Variants in ACTL8 observed in about 807,000 individuals in gnomAD.
ACTL8 encodes actin-like protein 8.
Under a neutral mutation model 9.3 loss-of-function variants are expected in ACTL8, and 3 were observed. The ratio of observed to expected loss-of-function variants is 0.32; its 90% CI spans 0.15 to 0.83. ACTL8 has a LOEUF of 0.83. ACTL8 is among the 40% of genes least tolerant of loss of function. The pLI, the probability that ACTL8 is intolerant of heterozygous loss-of-function variation, is 0.57. For missense variants in ACTL8, 381 were observed against 492.2 expected, an observed-to-expected ratio of 0.77 and a Z score of 2.14; for synonymous variants, 224 against 205.9, an observed-to-expected ratio of 1.09 and a Z score of -0.75.
intron 1 of ACTL8, among the ~76,000 whole-genome samples, chr1:17,773,668 G>T (rs1287926203): frequency 6.6e-6 from 1 of 152,198 alleles, no homozygotes; most frequent in East Asian, 1.9e-4. Context: ...TCACATTTCT[G>T]CTCTCCCCTT....
intron 1 of ACTL8, among the ~76,000 whole-genome samples, chr1:17,780,815 C>G (rs1015714554): frequency 6.6e-6 from 1 of 151,962 alleles, no homozygotes; most frequent in African/African-American, 2.4e-5. Flanking sequence ...GAGATAGTTC[C>G]GGGTAGTGGC....
chr1:17,810,771 G>A (rs570693516), intron 1 of ACTL8, among the ~76,000 whole-genome samples: 6 of 152,320 alleles, frequency 3.9e-5, no homozygotes, highest in South Asian at 4.1e-4. Flanking sequence ...CAGTATGTAA[G>A]TCTGGTTTAT....
At chr1:17,818,890 G>A (rs2053621255) in intron 1 of ACTL8, among the ~76,000 whole-genome samples, 2 of 152,198 alleles carry the variant, frequency 1.3e-5, no homozygotes, top group Non-Finnish European at 2.9e-5. Flanking sequence ...GCCTAGAACC[G>A]GTTTTATACC....
At chr1:17,791,535 A>G (rs1410075356) in intron 1 of ACTL8, among the ~76,000 whole-genome samples, 1 of 152,182 alleles carries the variant, frequency 6.6e-6, no homozygotes, top group Non-Finnish European at 1.5e-5. Context: ...AGTCAGCTCA[A>G]GTGCCTGGTG....
chr1:17,774,973 G>A, intron 1 of ACTL8, among the ~76,000 whole-genome samples: 1 of 152,174 alleles, frequency 6.6e-6, no homozygotes, highest in East Asian at 1.9e-4. Flanking sequence ...TAGACAGGAG[G>A]CGTGGGCTCT....
intron 1 of ACTL8, among the ~76,000 whole-genome samples, chr1:17,787,680 T>G (rs1303404294): frequency 6.6e-6 from 1 of 152,098 alleles, no homozygotes; most frequent in African/African-American, 2.4e-5. Flanking sequence ...ATTTTTTTTT[T>G]TTGCCATAAT....
intron 1 of ACTL8, among the ~76,000 whole-genome samples, chr1:17,775,927 A>G (rs1037490066): frequency 2.0e-5 from 3 of 152,150 alleles, no homozygotes; most frequent in African/African-American, 7.2e-5. Context: ...CAGTATAAGG[A>G]AGCATCTATT....
intron 1 of ACTL8, among the ~76,000 whole-genome samples, chr1:17,817,795 G>A (rs1376089060): frequency 6.6e-6 from 1 of 151,954 alleles, no homozygotes. Context: ...CCATCTCCTG[G>A]GTTCAAGCAA....
At chr1:17,768,970 G>A (rs76657457) in intron 1 of ACTL8, among the ~76,000 whole-genome samples, 2,376 of 152,296 alleles carry the variant, frequency 0.016, 56 homozygotes, top group African/African-American at 0.054. Context: ...ATAGTGCTTT[G>A]TTGTAGCCTG....
At chr1:17,771,040 T>G (rs2066079759) in intron 1 of ACTL8, among the ~76,000 whole-genome samples, 1 of 152,172 alleles carries the variant, frequency 6.6e-6, no homozygotes, top group South Asian at 2.1e-4. Flanking sequence ...TCGTGAGGAT[T>G]GAGATGATAC....
chr1:17,763,962 A>G (rs946721061), intron 1 of ACTL8, among the ~76,000 whole-genome samples: 4 of 152,196 alleles, frequency 2.6e-5, no homozygotes, highest in African/African-American at 9.7e-5. Flanking sequence ...AACTGGGACA[A>G]TGATTGATCT....
intron 1 of ACTL8, among the ~76,000 whole-genome samples, chr1:17,815,610 G>T (rs1225624713): frequency 6.6e-6 from 1 of 152,080 alleles, no homozygotes; most frequent in African/African-American, 2.4e-5. Flanking sequence ...TAGCAGTTGG[G>T]TTATAATGTG....
intron 1 of ACTL8, among the ~76,000 whole-genome samples, chr1:17,780,743 T>G (rs2066148943): frequency 6.8e-6 from 1 of 146,392 alleles, no homozygotes. Flanking sequence ...TGGGAGTGTG[T>G]TTTGGGGGTG....
rs566123638 is a variant in ACTL8, at chr1:17,810,453, A to G, written c.-24-12532A>G. ...AAACCACAACATAGTGATCAAACACAGGAAATTTAACATTGAAAATATAAC... is the reference window on the plus strand; with the variant it reads ...AAACCACAACATAGTGATCAAACACGGGAAATTTAACATTGAAAATATAAC... On this transcript the variant is annotated intron_variant, in intron 1 of 2. Transcript: ENST00000375406. Among the ~76,000 whole-genome samples the G allele has an allele frequency of 1.6e-4, 24 of 152,342 alleles. No individual in the cohort carries two copies. The South Asian group carries it at 4.6e-3, about 29-fold the overall frequency.
intron 1 of ACTL8, among the ~76,000 whole-genome samples, chr1:17,822,575 TC>T (rs2053672847): frequency 6.6e-6 from 1 of 152,206 alleles, no homozygotes; most frequent in Non-Finnish European, 1.5e-5. Context: ...TGTTTCATGT[TC>T]CTTGTGCCCT....
chr1:17,798,630 C>G (rs1033461713), intron 1 of ACTL8, among the ~76,000 whole-genome samples: 1 of 152,198 alleles, frequency 6.6e-6, no homozygotes, highest in East Asian at 1.9e-4. Context: ...GATTGACTTG[C>G]ATTTGTTCCA....
rs16830789 is a variant in ACTL8 at position 17,826,444 on chromosome 1, C to T, written c.1026C>T (p.Ser342=). 7.3e-3 allele frequency: 11,809 copies of T among 1,613,148 alleles called. 611 individuals are homozygous for T. The African/African-American group carries it at 0.13, about 18-fold the overall frequency. The change falls in exon 3 of 3, where the codon TCC becomes TCT. Residue 342 remains serine (S), a synonymous_variant. Transcript: ENST00000375406. This position sits in a 1 kb window ranked among gnomAD's most constrained non-coding sequence, Gnocchi z 4.5. ...ACTTTAGTGTCTGGCTAGGAGCGTC[C>T]GTGGTGGCTCACCTTTCTACCTACC... ...NRNFSVWLGA[S]VVAHLSTYQS...
chr1:17,789,247 C>G (rs2066220523), intron 1 of ACTL8, among the ~76,000 whole-genome samples: 1 of 152,074 alleles, frequency 6.6e-6, no homozygotes, highest in African/African-American at 2.4e-5. Flanking sequence ...GAGGGGATCC[C>G]CTGACATAGA....
chr1:17,811,607 T>C (rs1264950133), intron 1 of ACTL8, among the ~76,000 whole-genome samples: 1 of 152,260 alleles, frequency 6.6e-6, no homozygotes, highest in African/African-American at 2.4e-5. Flanking sequence ...ATATTTTACA[T>C]GATCCATTTT....
Sources: gnomAD v4.1 joint callset for allele counts (sites outside exome capture counted in the v4.1 genomes callset) on GRCh38, gnomAD v4.1.1 for gene constraint, Gnocchi (gnomAD v3.1) non-coding constraint, MANE v1.5 for transcripts, NCBI Gene and HGNC (gene_info 2026-07-23, HGNC 2026-07-21) for gene names.